DPPA2: variants seen among roughly 807,000 people sequenced by gnomAD.
DPPA2 encodes the protein developmental pluripotency associated 2, also known as developmental pluripotency-associated protein 2.
Under a neutral mutation model 36.2 loss-of-function variants are expected in DPPA2, and 26 were observed. That is an observed-to-expected ratio of 0.72 (90% CI 0.53 to 1.00). DPPA2 has a LOEUF of 1.00. Ranked by LOEUF, DPPA2 falls within the 50% of genes least tolerant of loss-of-function variation. DPPA2 has a pLI of 0.00. For missense variants in DPPA2, 361 were observed against 365.1 expected (o/e 0.99, Z 0.09); for synonymous variants, 113 against 123.2 (o/e 0.92, Z 0.55).
intron 6 of DPPA2, among the ~76,000 whole-genome samples, chr3:109,306,114 C>T (rs1321354479): frequency 3.3e-5 from 5 of 152,094 alleles, no homozygotes; most frequent in African/African-American, 9.7e-5. Flanking sequence ...GTGATAGCTC[C>T]CCGATTAGAC....
intron 3 of DPPA2, among the ~76,000 whole-genome samples, chr3:109,311,531 G>C (rs1488535242): frequency 2.0e-5 from 3 of 152,138 alleles, no homozygotes; most frequent in Non-Finnish European, 4.4e-5. Flanking sequence ...CCTGAGGTCA[G>C]AAGTTTGAGA....
At chr3:109,295,479 C>T (rs1707336992) in intron 8 of DPPA2, 1 of 151,758 alleles carries the variant, frequency 6.6e-6, no homozygotes. Context: ...CTCCTGACCT[C>T]AAATGATCCA....
At chr3:109,299,207 A>ATG (rs1707413113) in intron 8 of DPPA2, among the ~76,000 whole-genome samples, 1 of 143,894 alleles carries the variant, frequency 6.9e-6, no homozygotes, top group East Asian at 2.0e-4. Context: ...AACATACCAA[A>ATG]AAAAAAAAAA....
At chr3:109,300,523 T>C (rs762977506) in intron 7 of DPPA2, 88 bp from the exon 8 acceptor site, 81 of 1,322,476 alleles carry the variant, frequency 6.1e-5, no homozygotes, top group Non-Finnish European at 8.7e-5. Context: ...ACCAATAAAA[T>C]AAAGCATGCA....
At chr3:109,300,536 T>C in intron 7 of DPPA2, 101 bp from the exon 8 acceptor site, 1 of 1,196,826 alleles carries the variant, frequency 8.4e-7, no homozygotes, top group African/African-American at 1.5e-5. Flanking sequence ...AGCATGCACT[T>C]CTGGGCCGGG....
intron 6 of DPPA2, 140 bp downstream of exon 6, chr3:109,307,892 A>T: frequency 8.7e-7 from 1 of 1,147,296 alleles, no homozygotes. Flanking sequence ...CAGATAGAAG[A>T]AAGATGTCCC....
Position 109,309,104 on chromosome 3 carries a change from A to G in DPPA2, c.343-25T>C, listed in dbSNP as rs772674651. On this transcript the variant is annotated intron_variant, in intron 4 of 8. Transcript: ENST00000478945. ...TCTTAGGAAATGAAGAGAGAGATTA[A>G]GTTAAAAGTTGACAAAGACTCCCAT... The G allele has an allele frequency of 5.6e-6, 9 of 1,614,174 alleles. No individual in the cohort carries two copies. The Admixed American group carries it at 1.3e-4, about 24-fold the overall frequency.
chr3:109,313,428 G>C (rs752354458), intron 2 of DPPA2, among the ~76,000 whole-genome samples: 23 of 152,168 alleles, frequency 1.5e-4, no homozygotes, highest in Non-Finnish European at 2.9e-5. Flanking sequence ...GGCATTCAAT[G>C]TTGTTTTTAT....
chr3:109,309,015 T>G lies in DPPA2; in HGVS notation c.396+11A>C, dbSNP rs1366233512. 6.2e-7 allele frequency: 1 copy of G among 1,614,002 alleles called. No individual in the cohort carries two copies. The highest frequency in any genetic ancestry group is 8.5e-7 in the Non-Finnish European group (1 of 1,180,036). ...ACCCACCTTCACACCATCAACACAC[T>G]CATTACTCACTTGCCGTTGTTCAGG... On this transcript the variant is annotated intron_variant, in intron 5 of 8. Transcript: ENST00000478945.
intron 3 of DPPA2, among the ~76,000 whole-genome samples, chr3:109,310,407 C>CA (rs147915128): frequency 0.03 from 1,890 of 62,462 alleles, 59 homozygotes; most frequent in African/African-American, 0.067. Flanking sequence ...GACTCTGTCT[C>CA]AAAAAAAAAA....
At chr3:109,300,821 CAAAAAAAAAAAAA>C (rs767043097) in intron 7 of DPPA2, among the ~76,000 whole-genome samples, 3 of 68,086 alleles carry the variant, frequency 4.4e-5, no homozygotes, top group Non-Finnish European at 9.3e-5. Context: ...GACTCAGTCT[CAAAAAAAAAAAAA>C]AAAAAAAAGA....
In DPPA2 at chr3:109,312,673, A is replaced by G; in HGVS notation, c.53T>C (p.Val18Ala). 2 of 1,613,656 alleles carry G rather than the reference A, an allele frequency of 1.2e-6. No homozygotes were observed. The highest frequency in any genetic ancestry group is 1.7e-6 in the Non-Finnish European group (2 of 1,179,690). Reference protein sequence around the residue: ...SSKKNFLEGEVDDEESVILTL... With the variant: ...SSKKNFLEGEADDEESVILTL... The stretch of plus-strand genomic sequence containing the variant: ...CAAAATCACACTTTCCTCATCATCT[A>G]CTTCCCCCTCCAAGAAATTCTGGAA... The change falls in exon 3 of 9, where the codon GTA becomes GCA. Residue 18 changes from valine to alanine, a missense_variant. By Grantham distance (64) the Val-to-Ala change is moderately conservative. Transcript: ENST00000478945.
chr3:109,302,257 A>G (rs956538599), intron 7 of DPPA2, among the ~76,000 whole-genome samples: 12 of 152,160 alleles, frequency 7.9e-5, no homozygotes, highest in African/African-American at 2.7e-4. Flanking sequence ...CTTGTCCCAA[A>G]CACCATAGAT....
rs188666776 is a variant in DPPA2 at position 109,303,405 on chromosome 3, T to C, written c.854+1070A>G. 1.4e-3 allele frequency among the ~76,000 whole-genome samples: 209 copies of C among 151,850 alleles called. 1 individual carries two copies. The highest frequency in any genetic ancestry group is 4.7e-3 in the African/African-American group (196 of 41,416). ...TTTTTTTTGAGACGGAGTTTCACTC[T>C]TGTTGCCCAGGCTGGAGTGCAATGG... On this transcript the variant is annotated intron_variant, in intron 7 of 8. Transcript: ENST00000478945.
chr3:109,297,791 T>C (rs574737757), intron 8 of DPPA2, among the ~76,000 whole-genome samples: 2 of 152,110 alleles, frequency 1.3e-5, no homozygotes, highest in Non-Finnish European at 2.9e-5. Context: ...ATTCTAAGTA[T>C]ACACAACATT....
At chr3:109,314,991 A>T (rs1707765757) in intron 1 of DPPA2, among the ~76,000 whole-genome samples, 1 of 152,294 alleles carries the variant, frequency 6.6e-6, no homozygotes, top group South Asian at 2.1e-4. Flanking sequence ...GCTTGAGCCC[A>T]GGAGGCGCAG....
rs1460232236 is a variant in DPPA2, at chr3:109,298,539, C to G, written c.*22+1832G>C. 2.0e-5 allele frequency among the ~76,000 whole-genome samples: 3 copies of G among 151,404 alleles called. No homozygotes were observed. The East Asian group carries it at 5.9e-4, about 30-fold the overall frequency. On this transcript the variant is annotated intron_variant, in intron 8 of 8. Coordinates refer to ENST00000478945, the MANE Select transcript of DPPA2 (RefSeq NM_138815.4). ...ACCAGCCTGGCCAACATGGTGAAAC[C>G]CCATCTCTACTAAAAAAATACAAAA...
At chr3:109,300,540 G>A in intron 7 of DPPA2, 105 bp from the exon 8 acceptor site, 6 of 1,135,752 alleles carry the variant, frequency 5.3e-6, no homozygotes, top group Non-Finnish European at 7.9e-6. Context: ...TGCACTTCTG[G>A]GCCGGGTGTG....
At chr3:109,296,588 T>C (rs772364658) in intron 8 of DPPA2, among the ~76,000 whole-genome samples, 4 of 152,034 alleles carry the variant, frequency 2.6e-5, no homozygotes, top group African/African-American at 4.8e-5. Flanking sequence ...GACAGGAGAA[T>C]TGTTTGAACC....
Sources: gnomAD v4.1 joint callset for allele counts (sites outside exome capture counted in the v4.1 genomes callset) on GRCh38, gnomAD v4.1.1 for gene constraint, MANE v1.5 for transcripts, NCBI Gene and HGNC (gene_info 2026-07-23, HGNC 2026-07-21) for gene names.